CBLN3: variants seen among roughly 807,000 people sequenced by gnomAD.
CBLN3 encodes cerebellin-3.
A neutral mutation model predicts 17.4 loss-of-function variants in CBLN3; 14 were observed. The observed-to-expected ratio is 0.81, with a 90% CI of 0.53 to 1.26. The LOEUF (loss-of-function observed/expected upper bound fraction) is 1.26, where lower values mean the gene tolerates loss of function less well. Among genes scored for constraint, CBLN3 ranks in the 50% most tolerant of loss-of-function variants. The pLI is 0.00. For synonymous variants in CBLN3, 129 were observed against 117.4 expected (o/e 1.10, Z -0.64); for missense variants, 263 against 268.5 (o/e 0.98, Z 0.14).
In CBLN3 at chr14:24,429,556, G is replaced by A. The variant is rs1294063140; in HGVS notation, c.-502C>T. On this transcript the variant is annotated 5_prime_UTR_variant, in exon 1 of 3. Transcript: ENST00000267406. ...CGTGGCATCTTTCCGTTTGTTGGAA[G>A]AAAGGGGTACTCCACCACGGGTACC... 4.2e-6 allele frequency: 2 copies of A among 477,052 alleles called. No individual in the cohort carries two copies. Among genetic ancestry groups the A allele is most frequent in the African/African-American group, 2.0e-5 (1 of 48,950 alleles). 29.6% of individuals were successfully genotyped at this position (477,052 alleles called of 1,614,324 possible).
chr14:24,428,249 C>T (rs761304152), intron 2 of CBLN3, 37 bp downstream of exon 2: 1 of 1,610,516 alleles, frequency 6.2e-7, no homozygotes, highest in Admixed American at 1.7e-5. Context: ...CCTCCCCACC[C>T]TCCTGAGCCG....
rs941353577 is a variant in CBLN3 at position 24,426,770 on chromosome 14, A to G, written c.*1019T>C. The G allele has an allele frequency of 1.3e-5, 2 of 152,280 alleles. No homozygotes were observed. Among genetic ancestry groups the G allele is most frequent in the Non-Finnish European group, 2.9e-5 (2 of 68,124 alleles). The allele number at this position is 152,280 out of a possible 1,614,324, so 9.4% of individuals were successfully genotyped here. ...TAGCATACTGGCAGGAGAGGGTCTGAAGGAATGAATCATGGAATCCCAGGT... is the reference window on the plus strand; with the variant it reads ...TAGCATACTGGCAGGAGAGGGTCTGGAGGAATGAATCATGGAATCCCAGGT... On this transcript the variant is annotated 3_prime_UTR_variant, in exon 3 of 3. Transcript: ENST00000267406.
Position 24,428,371 on chromosome 14 carries a change from G to A in CBLN3, c.335C>T (p.Ala112Val), listed in dbSNP as rs1220653719. ...LVNEGGGFDR[A>V]SGSFVAPVRG... The stretch of plus-strand genomic sequence containing the variant: ...GACAGGGGCTACGAAGGAGCCAGAG[G>A]CCCGGTCAAAGCCACCGCCCTCGTT... Residue 112 changes from alanine (A) to valine (V), a missense_variant, in exon 2 of 3, where the codon GCC becomes GTC. Coordinates refer to ENST00000267406, the MANE Select transcript of CBLN3 (RefSeq NM_001039771.3). The A allele has an allele frequency of 1.2e-6, 2 of 1,613,774 alleles. No individual in the cohort carries two copies. Among genetic ancestry groups the A allele is most frequent in the African/African-American group, 1.3e-5 (1 of 74,884 alleles).
chr14:24,429,154 G>C lies in CBLN3; in HGVS notation c.-100C>G, dbSNP rs2043059384. ...CTCACCGCCGGCACCCTGATCGTCT[G>C]CCCTCTCTAGGCTCGCTGAACCCCC... On this transcript the variant is annotated 5_prime_UTR_variant, in exon 1 of 3. Transcript: ENST00000267406. 10 of 1,261,846 alleles carry C rather than the reference G, an allele frequency of 7.9e-6. No homozygotes were observed. The highest frequency in any genetic ancestry group is 1.1e-5 in the Non-Finnish European group (10 of 926,334). 78.2% of individuals were successfully genotyped at this position (1,261,846 alleles called of 1,614,324 possible). A position where few individuals can be genotyped will look rare whatever the true frequency, so the allele number is the denominator to read the frequency against.
In CBLN3 at chr14:24,427,306, A is replaced by C. The variant is rs1007880557; in HGVS notation, c.*483T>G. On this transcript the variant is annotated 3_prime_UTR_variant, in exon 3 of 3. Coordinates refer to ENST00000267406, the MANE Select transcript of CBLN3 (RefSeq NM_001039771.3). The surrounding 1 kb of genome is among the most constrained non-coding windows in gnomAD (Gnocchi z 4.4). ...ACCCTAGCCCATACGGTGCTGGTTC[A>C]GCTTCTGACGGTGCTGGCTGAGATC... is the stretch of plus-strand genomic sequence containing the variant. The C allele has an allele frequency of 2.7e-5, 5 of 183,140 alleles. No homozygotes were observed. The highest frequency in any genetic ancestry group is 1.2e-4 in the African/African-American group (5 of 41,860). 11.3% of individuals were successfully genotyped at this position (183,140 alleles called of 1,614,324 possible).
At chr14:24,428,457 G>C (rs746703980) in intron 1 of CBLN3, 52 bp from the exon 2 acceptor site, 1 of 1,602,720 alleles carries the variant, frequency 6.2e-7, no homozygotes, top group Non-Finnish European at 8.5e-7. Context: ...CCATGGCTCA[G>C]GGGTACCATG....
In CBLN3 at chr14:24,428,767, G is replaced by A. The variant is rs200916795; in HGVS notation, c.288C>T (p.Ile96=). The change falls in exon 1 of 3, where the codon ATC becomes ATT. Residue 96 remains isoleucine (I), a synonymous_variant. Transcript: ENST00000267406. ...GTAGGGGGATTACCTGGTCGAAGTAGATGGCCCCACTGGTGCCATTGCCGG... is the reference window on the plus strand; with the variant it reads ...GTAGGGGGATTACCTGGTCGAAGTAAATGGCCCCACTGGTGCCATTGCCGG... ...GETGNGTSGA[I]YFDQVLVNEG... The A allele has an allele frequency of 6.9e-6, 11 of 1,593,794 alleles. No homozygotes were observed. The Admixed American group carries it at 1.9e-4, about 27-fold the overall frequency.
At chr14:24,428,027 T>A (rs2043039094) in intron 2 of CBLN3, 41 bp from the exon 3 acceptor site, 1 of 1,583,120 alleles carries the variant, frequency 6.3e-7, no homozygotes, top group African/African-American at 1.3e-5. Flanking sequence ...CCCCAGCCCT[T>A]AGCTCAGGAC....
At chr14:24,428,108 C>A in intron 2 of CBLN3, 122 bp from the exon 3 acceptor site, 2 of 1,326,324 alleles carry the variant, frequency 1.5e-6, no homozygotes, top group South Asian at 2.7e-5. Flanking sequence ...GGCTGAGGGG[C>A]GGCCAGCATT....
rs1169332222 is a variant in CBLN3 at position 24,428,356 on chromosome 14, A to G, written c.350T>C (p.Val117Ala). The G allele has an allele frequency of 6.2e-7, 1 of 1,613,850 alleles. No homozygotes were observed. The highest frequency in any genetic ancestry group is 2.2e-5 in the East Asian group (1 of 44,838). The stretch of plus-strand genomic sequence containing the variant: ...GCTGTAGACACCCCGGACAGGGGCT[A>G]CGAAGGAGCCAGAGGCCCGGTCAAA... ...GGFDRASGSFVAPVRGVYSFR... is the reference protein window; with the variant it reads ...GGFDRASGSFAAPVRGVYSFR... Residue 117 changes from valine to alanine, a missense_variant, in exon 2 of 3, where the codon GTA becomes GCA. By Grantham distance (64) the Val-to-Ala change is moderately conservative. Transcript: ENST00000267406.
chr14:24,428,955 C>T lies in CBLN3; in HGVS notation c.100G>A (p.Glu34Lys). 6.4e-7 allele frequency: 1 copy of T among 1,552,394 alleles called. No individual in the cohort carries two copies. The change falls in exon 1 of 3, where the codon GAG (glutamate) becomes AAG (lysine). Residue 34 changes from glutamate (E) to lysine (K), a missense_variant. By Grantham distance (56) the Glu-to-Lys change is moderately conservative. Coordinates refer to ENST00000267406, the MANE Select transcript of CBLN3 (RefSeq NM_001039771.3). Reference sequence around the variant, plus strand: ...TCCAGCAGGACGGGCTCTGACCCCTCCTGGGCCCACCCGGCCCCCAGGGCC... The same window carrying T: ...TCCAGCAGGACGGGCTCTGACCCCTTCTGGGCCCACCCGGCCCCCAGGGCC... ...LLALGAGWAQ[E>K]GSEPVLLEGE...
rs1264586469 is a variant in CBLN3, at chr14:24,427,866, G to A, written c.541C>T (p.Leu181=). The stretch of plus-strand genomic sequence containing the variant: ...AGTAGATTCCCCCGACGCAGGCGCA[G>A]AGACACTCGGTCCCCAGGGTCCAAG... ...LPLDPGDRVS[L]RLRRGNLLGG... is the part of the protein sequence containing the mutation. Residue 181 remains leucine (L), a synonymous_variant, in exon 3 of 3, where the codon CTG becomes TTG. Coordinates refer to ENST00000267406, the MANE Select transcript of CBLN3 (RefSeq NM_001039771.3). This position sits in a 1 kb window ranked among gnomAD's most constrained non-coding sequence, Gnocchi z 4.4. 6.2e-7 allele frequency: 1 copy of A among 1,614,034 alleles called. No individual in the cohort carries two copies. The highest frequency in any genetic ancestry group is 1.1e-5 in the South Asian group (1 of 91,078).
intron 2 of CBLN3, 149 bp downstream of exon 2, chr14:24,428,137 A>T: frequency 7.5e-7 from 1 of 1,325,782 alleles, no homozygotes; most frequent in Non-Finnish European, 1.0e-6. Flanking sequence ...CACATCCTCC[A>T]CACTCAATGC....
chr14:24,428,846 C>T lies in CBLN3; in HGVS notation c.209G>A (p.Gly70Glu), dbSNP rs2043053240. 6.2e-7 allele frequency: 1 copy of T among 1,612,212 alleles called. No homozygotes were observed. Among genetic ancestry groups the T allele is most frequent in the African/African-American group, 1.3e-5 (1 of 74,826 alleles). Residue 70 changes from glycine (G) to glutamate (E), a missense_variant, in exon 1 of 3, where the codon GGG (glycine) becomes GAG (glutamate). Gly to Glu is a moderately conservative substitution (Grantham distance 98). Coordinates refer to ENST00000267406, the MANE Select transcript of CBLN3 (RefSeq NM_001039771.3). ...GGAALGEAPPGRVAFAAVRSH... is the reference protein window; with the variant it reads ...GGAALGEAPPERVAFAAVRSH... Reference sequence around the variant, plus strand: ...TCGGACCGCAGCAAATGCCACTCGCCCAGGGGGTGCCTCTCCCAGGGCTGC... The same window carrying T: ...TCGGACCGCAGCAAATGCCACTCGCTCAGGGGGTGCCTCTCCCAGGGCTGC...
At position 24,427,871 on chromosome 14, in the gene CBLN3, A is replaced by C. The variant is rs1228538263; in HGVS notation, c.536T>G (p.Val179Gly). The part of the protein sequence containing the change: ...VLLPLDPGDR[V>G]SLRLRRGNLL... ...ATTCCCCCGACGCAGGCGCAGAGAC[A>C]CTCGGTCCCCAGGGTCCAAGGGCAG... Residue 179 changes from valine (V) to glycine (G), a missense_variant, in exon 3 of 3, where the codon GTG (valine) becomes GGG (glycine). By Grantham distance (109) the Val-to-Gly change is moderately radical. Transcript: ENST00000267406. This position sits in a 1 kb window ranked among gnomAD's most constrained non-coding sequence, Gnocchi z 4.4. 1.2e-6 allele frequency: 2 copies of C among 1,613,960 alleles called. No individual in the cohort carries two copies. The highest frequency in any genetic ancestry group is 2.2e-5 in the South Asian group (2 of 91,066).
In CBLN3 at chr14:24,427,498, T is replaced by G; in HGVS notation, c.*291A>C. The G allele has an allele frequency of 2.4e-6, 1 of 408,398 alleles. No homozygotes were observed. The highest frequency in any genetic ancestry group is 7.1e-4 in the Middle Eastern group (1 of 1,406). The allele number at this position is 408,398 out of a possible 1,614,324, so 25.3% of individuals were successfully genotyped here. ...CGGAGGAGCAGAGGCCGCAAAGTAG[T>G]GCAGATCTTCCTTCTTGCCAAACCT... On this transcript the variant is annotated 3_prime_UTR_variant, in exon 3 of 3. Transcript: ENST00000267406. The surrounding 1 kb of genome is among the most constrained non-coding windows in gnomAD (Gnocchi z 4.4).
intron 1 of CBLN3, 57 bp downstream of exon 1, chr14:24,428,698 G>A: frequency 6.6e-7 from 1 of 1,509,406 alleles, no homozygotes; most frequent in Non-Finnish European, 8.9e-7. Flanking sequence ...TTGGACAGTT[G>A]CTTCCAGGTC....
rs569023861 is a variant in CBLN3 at position 24,428,159 on chromosome 14, A to C, written c.420+127T>G. ...TCCACACTCAATGCAAGGCAGGCCC[A>C]TTCCTCCCCTGGTCCTGGCCTCCAG... is the stretch of plus-strand genomic sequence containing the variant. On this transcript the variant is annotated intron_variant, in intron 2 of 2. Transcript: ENST00000267406. 2.6e-5 allele frequency: 36 copies of C among 1,409,826 alleles called. No homozygotes were observed. The South Asian group carries it at 3.8e-4, about 15-fold the overall frequency. The allele number at this position is 1,409,826 out of a possible 1,614,324, so 87.3% of individuals were successfully genotyped here.
Position 24,429,164 on chromosome 14 carries a change from G to T in CBLN3, c.-110C>A. 1 of 1,181,682 alleles carries T rather than the reference G, an allele frequency of 8.5e-7. No homozygotes were observed. Among genetic ancestry groups the T allele is most frequent in the Non-Finnish European group, 1.2e-6 (1 of 854,452 alleles). 73.2% of individuals were successfully genotyped at this position (1,181,682 alleles called of 1,614,324 possible). ...GCACCCTGATCGTCTGCCCTCTCTAGGCTCGCTGAACCCCCTCTCCATACC... is the reference window on the plus strand; with the variant it reads ...GCACCCTGATCGTCTGCCCTCTCTATGCTCGCTGAACCCCCTCTCCATACC... On this transcript the variant is annotated 5_prime_UTR_variant, in exon 1 of 3. Transcript: ENST00000267406.
Sources: gnomAD v4.1 joint callset for allele counts on GRCh38, gnomAD v4.1.1 for gene constraint, Gnocchi (gnomAD v3.1) non-coding constraint, MANE v1.5 for transcripts, NCBI Gene and HGNC (gene_info 2026-07-23, HGNC 2026-07-21) for gene names.